The following PLCH1 variants were observed in gnomAD, a reference collection of about 807,000 sequenced individuals.
The protein encoded by PLCH1 is phospholipase C eta 1, also known as 1-phosphatidylinositol 4,5-bisphosphate phosphodiesterase eta-1.
In PLCH1, 60 loss-of-function variants were observed where a neutral mutation model predicts 126.7. The observed-to-expected ratio is 0.47, with a 90% CI of 0.38 to 0.59. The LOEUF is 0.59. Among genes scored for constraint, PLCH1 ranks in the 20% least tolerant of loss-of-function variants. The pLI is 0.00. For synonymous variants in PLCH1, 719 were observed against 734.9 expected (o/e 0.98, Z 0.35); for missense variants, 1,723 against 2,040.0 (o/e 0.84, Z 2.99).
At chr3:155,574,769 A>C (rs948863962) in intron 6 of PLCH1, among the ~76,000 whole-genome samples, 10 of 152,328 alleles carry the variant, frequency 6.6e-5, no homozygotes, top group African/African-American at 2.2e-4. Context: ...AAATATAGCC[A>C]ATGCAGCAAA....
intron 13 of PLCH1, among the ~76,000 whole-genome samples, chr3:155,501,891 G>GT (rs1454140359): frequency 6.6e-6 from 1 of 152,136 alleles, no homozygotes; most frequent in East Asian, 1.9e-4. Context: ...ACAAACAAAG[G>GT]TAAGATGTTT....
chr3:155,471,398 C>T (rs1402159013), intron 21 of PLCH1, among the ~76,000 whole-genome samples: 1 of 151,194 alleles, frequency 6.6e-6, no homozygotes, highest in African/African-American at 2.4e-5. Context: ...ATATATGCGC[C>T]CAATACAGGA....
At chr3:155,555,924 T>A (rs1470895173) in intron 8 of PLCH1, among the ~76,000 whole-genome samples, 1 of 152,162 alleles carries the variant, frequency 6.6e-6, no homozygotes, top group Non-Finnish European at 1.5e-5. Flanking sequence ...TGTGCCTGAA[T>A]GAGATAACTA....
chr3:155,626,396 C>G (rs573304885), intron 2 of PLCH1, among the ~76,000 whole-genome samples: 1 of 152,214 alleles, frequency 6.6e-6, no homozygotes, highest in South Asian at 2.1e-4. Context: ...ATATAACTAA[C>G]TCGGTCCTCC....
chr3:155,711,822 A>G (rs1385511319), intron 1 of PLCH1, among the ~76,000 whole-genome samples: 1 of 151,838 alleles, frequency 6.6e-6, no homozygotes, highest in Non-Finnish European at 1.5e-5. Context: ...TCTTGGGGGA[A>G]AAAAAACTTC....
At chr3:155,671,141 C>T (rs1743394363) in intron 2 of PLCH1, among the ~76,000 whole-genome samples, 1 of 152,196 alleles carries the variant, frequency 6.6e-6, no homozygotes, top group South Asian at 2.1e-4. Context: ...AGTCAGCCAG[C>T]AGGATTCAAA....
chr3:155,618,481 G>A (rs920491138), intron 2 of PLCH1, among the ~76,000 whole-genome samples: 1 of 152,094 alleles, frequency 6.6e-6, no homozygotes, highest in Non-Finnish European at 1.5e-5. Flanking sequence ...TGGATAGACT[G>A]TTAAAGAATG....
intron 9 of PLCH1, among the ~76,000 whole-genome samples, chr3:155,552,543 T>G (rs1726286749): frequency 6.6e-6 from 1 of 152,044 alleles, no homozygotes. Context: ...GGAAGGTTGT[T>G]CCAGGCAGAG....
chr3:155,703,116 G>A (rs533225976), intron 2 of PLCH1, among the ~76,000 whole-genome samples: 1 of 152,252 alleles, frequency 6.6e-6, no homozygotes, highest in Middle Eastern at 3.4e-3. Flanking sequence ...TACTTTACAA[G>A]GGCTTTTAGT....
At chr3:155,692,919 A>G (rs1745510139) in intron 2 of PLCH1, among the ~76,000 whole-genome samples, 2 of 151,982 alleles carry the variant, frequency 1.3e-5, no homozygotes, top group Admixed American at 1.3e-4. Flanking sequence ...AGTAGCTGGG[A>G]CTACAGGCGC....
At chr3:155,667,903 T>TAA (rs35373040) in intron 2 of PLCH1, among the ~76,000 whole-genome samples, 32 of 75,562 alleles carry the variant, frequency 4.2e-4, no homozygotes, top group Non-Finnish European at 4.8e-4. Context: ...CATCTCTACT[T>TAA]AAAAAAAAAA....
At chr3:155,739,598 T>C (rs1011338178) in intron 1 of PLCH1, among the ~76,000 whole-genome samples, 1 of 152,208 alleles carries the variant, frequency 6.6e-6, no homozygotes, top group Non-Finnish European at 1.5e-5. Flanking sequence ...TACCTGTCTA[T>C]ACTTTGCATA....
chr3:155,566,186 T>TAC (rs1728401972), intron 7 of PLCH1, among the ~76,000 whole-genome samples: 8 of 56,038 alleles, frequency 1.4e-4, no homozygotes, highest in Non-Finnish European at 3.0e-4. Context: ...TATATACACA[T>TAC]ATATATACAC....
intron 2 of PLCH1, among the ~76,000 whole-genome samples, chr3:155,687,354 G>T (rs1353709001): frequency 6.6e-6 from 1 of 151,904 alleles, no homozygotes; most frequent in Non-Finnish European, 1.5e-5. Flanking sequence ...AAAAAGAATT[G>T]CTCCTTCATG....
rs139664199 is a variant in PLCH1, at chr3:155,702,049, T to G, written c.79+2097A>C. Among the ~76,000 whole-genome samples the G allele has an allele frequency of 2.0e-4, 30 of 152,340 alleles. No homozygotes were observed. In the East Asian group the frequency reaches 4.6e-3, roughly 24 times the overall value. ...CTTTCGAAAGAGTAATTCTTGAATG[T>G]AAGAAGTAACCAATTCATATTTTAA... On this transcript the variant is annotated intron_variant, in intron 2 of 22. Coordinates refer to ENST00000460012, the MANE Select transcript of PLCH1 (RefSeq NM_014996.4).
At chr3:155,532,077 G>C (rs1022692600) in intron 10 of PLCH1, among the ~76,000 whole-genome samples, 3 of 152,180 alleles carry the variant, frequency 2.0e-5, no homozygotes, top group Admixed American at 2.0e-4. Context: ...CTTTCAGCCT[G>C]TCTTGTCTTT....
rs188057862 is a variant in PLCH1 at position 155,540,312 on chromosome 3, C to A, written c.1362+9475G>T. On this transcript the variant is annotated intron_variant, in intron 10 of 22. Coordinates refer to ENST00000460012, the MANE Select transcript of PLCH1 (RefSeq NM_014996.4). ...CTAAAAGTTAACACTGGAAAAACCC[C>A]TTCTAGACATTGGCTGAGGCAAAGA... 2.0e-4 allele frequency among the ~76,000 whole-genome samples: 31 copies of A among 152,202 alleles called. No homozygotes were observed. In the East Asian group the frequency reaches 5.8e-3, roughly 28 times the overall value.
intron 2 of PLCH1, among the ~76,000 whole-genome samples, chr3:155,629,767 C>A (rs1177211456): frequency 6.6e-6 from 1 of 152,204 alleles, no homozygotes; most frequent in African/African-American, 2.4e-5. Context: ...TCGCCAGGGG[C>A]CTGCATGGTC....
At chr3:155,540,521 C>T (rs772549851) in intron 10 of PLCH1, among the ~76,000 whole-genome samples, 3 of 152,034 alleles carry the variant, frequency 2.0e-5, no homozygotes, top group East Asian at 1.9e-4. Context: ...CTACAATCTA[C>T]AAGGAACTCA....
Sources: allele counts gnomAD v4.1 joint callset (sites outside exome capture counted in the v4.1 genomes callset), GRCh38; gene constraint gnomAD v4.1.1; transcripts MANE v1.5; gene names NCBI Gene and HGNC (gene_info 2026-07-23, HGNC 2026-07-21).